The following SFMBT1 variants were observed in gnomAD, a reference collection of about 807,000 sequenced individuals.
SFMBT1 encodes scm-like with four MBT domains protein 1.
Under a neutral mutation model 108.7 loss-of-function variants are expected in SFMBT1, and 32 were observed. That is an observed-to-expected ratio of 0.29 (90% CI 0.22 to 0.40). SFMBT1 has a LOEUF of 0.40. Ranked by LOEUF, SFMBT1 falls within the 10% of genes least tolerant of loss-of-function variation. The probability of loss-of-function intolerance (pLI) is 1.00; values close to 1 mark genes in which losing one functional copy is unlikely to be tolerated. For synonymous variants in SFMBT1, 348 were observed against 369.5 expected (o/e 0.94, Z 0.67); for missense variants, 816 against 1,059.6 (o/e 0.77, Z 3.19).
chr3:52,961,113 G>C (rs540577072), intron 2 of SFMBT1, among the ~76,000 whole-genome samples: 1 of 150,118 alleles, frequency 6.7e-6, no homozygotes, highest in East Asian at 2.0e-4. Context: ...AGCCTGGGCT[G>C]TTAGAGACCC....
At chr3:53,027,945 G>A (rs139320217) in intron 1 of SFMBT1, among the ~76,000 whole-genome samples, 15 of 152,304 alleles carry the variant, frequency 9.8e-5, no homozygotes, top group East Asian at 7.7e-4. Context: ...CAAGCTTAGC[G>A]TTCCAGTAAT....
At chr3:52,940,874 G>A (rs1429081946) in intron 4 of SFMBT1, among the ~76,000 whole-genome samples, 2 of 152,140 alleles carry the variant, frequency 1.3e-5, no homozygotes, top group Non-Finnish European at 2.9e-5. Flanking sequence ...TCAATAGCAT[G>A]TATCTTCTGA....
At chr3:52,961,798 A>G (rs190031083) in intron 2 of SFMBT1, among the ~76,000 whole-genome samples, 1 of 152,338 alleles carries the variant, frequency 6.6e-6, no homozygotes, top group East Asian at 1.9e-4. Flanking sequence ...GTCAATTTAC[A>G]TTACTAAAAC....
chr3:52,974,876 AC>A lies in SFMBT1; in HGVS notation c.-130-5619del, dbSNP rs1704466043. 2.0e-5 allele frequency among the ~76,000 whole-genome samples: 3 copies of A among 149,736 alleles called. No homozygotes were observed. The South Asian group carries it at 6.3e-4, about 32-fold the overall frequency. On this transcript the variant is annotated intron_variant, in intron 1 of 20. Transcript: ENST00000394752. ...AAAAAAATTAGCTGAGTGTGGTGGC[AC>A]ATGCTTGTAATCCCACCTACTCAGG...
At chr3:52,923,791 G>GA (rs1559512029) in intron 10 of SFMBT1, among the ~76,000 whole-genome samples, 1 of 151,974 alleles carries the variant, frequency 6.6e-6, no homozygotes, top group African/African-American at 2.4e-5. Flanking sequence ...TCCAGAAAGA[G>GA]AAAAGAGACA....
Position 53,001,925 on chromosome 3 carries a change from T to TCACACACACA in SFMBT1, c.-130-32677_-130-32668dup, listed in dbSNP as rs59572829. ...GGGCAACAGAGCAAGACCCAGTCTC[T>TCACACACACA]CACACACACACACACACACACACAC... On this transcript the variant is annotated intron_variant, in intron 1 of 20. Coordinates refer to ENST00000394752, the MANE Select transcript of SFMBT1 (RefSeq NM_016329.4). Among the ~76,000 whole-genome samples the TCACACACACA allele has an allele frequency of 5.2e-3, 668 of 129,190 alleles. 15 individuals carry two copies. The highest frequency in any genetic ancestry group is 4.1e-3 in the African/African-American group (147 of 35,826). The allele number at this position is 129,190 out of a possible 152,430, so 84.8% of individuals were successfully genotyped here. A position where few individuals can be genotyped will look rare whatever the true frequency, so the allele number is the denominator to read the frequency against.
intron 1 of SFMBT1, among the ~76,000 whole-genome samples, chr3:53,034,026 C>T (rs11709427): frequency 0.4 from 57,656 of 143,690 alleles, 11,781 homozygotes; most frequent in East Asian, 0.61. Flanking sequence ...GCCGAGATGG[C>T]GCCATTGCAC....
intron 3 of SFMBT1, among the ~76,000 whole-genome samples, chr3:52,945,956 G>A (rs1041989864): frequency 9.9e-5 from 15 of 152,154 alleles, no homozygotes; most frequent in Non-Finnish European, 2.1e-4. Flanking sequence ...GGGGAAAACA[G>A]CAACATTACA....
chr3:53,006,355 G>C (rs1344604538), intron 1 of SFMBT1, among the ~76,000 whole-genome samples: 4 of 152,144 alleles, frequency 2.6e-5, no homozygotes, highest in Non-Finnish European at 5.9e-5. Context: ...TCCAGGCCTG[G>C]CGCGGTGGCT....
chr3:52,922,175 T>C (rs899773726), intron 10 of SFMBT1, among the ~76,000 whole-genome samples: 1 of 152,198 alleles, frequency 6.6e-6, no homozygotes, highest in Admixed American at 6.5e-5. Flanking sequence ...ATCAATGAAA[T>C]AGTCTCTAAG....
chr3:52,933,788 G>A (rs1173062887), intron 5 of SFMBT1, among the ~76,000 whole-genome samples: 2 of 152,064 alleles, frequency 1.3e-5, no homozygotes, highest in Non-Finnish European at 2.9e-5. Flanking sequence ...AAAACTCTTA[G>A]AAAATACAGG....
At chr3:52,908,164 C>T (rs781632845) in intron 17 of SFMBT1, among the ~76,000 whole-genome samples, 9 of 150,918 alleles carry the variant, frequency 6.0e-5, no homozygotes, top group Non-Finnish European at 1.2e-4. Context: ...ACCTCTGCCT[C>T]CCAGGTTCAA....
intron 3 of SFMBT1, among the ~76,000 whole-genome samples, chr3:52,950,806 T>C (rs1402121117): frequency 6.6e-6 from 1 of 151,674 alleles, no homozygotes; most frequent in Non-Finnish European, 1.5e-5. Context: ...TGTTATATGT[T>C]CCCTCAATAA....
At chr3:53,019,465 G>T (rs1559551897) in intron 1 of SFMBT1, among the ~76,000 whole-genome samples, 1 of 151,918 alleles carries the variant, frequency 6.6e-6, no homozygotes, top group African/African-American at 2.4e-5. Flanking sequence ...TACTCATTTG[G>T]AATTTCCATT....
intron 1 of SFMBT1, among the ~76,000 whole-genome samples, chr3:52,999,071 C>T (rs1395769377): frequency 6.6e-6 from 1 of 150,858 alleles, no homozygotes; most frequent in Admixed American, 6.6e-5. Context: ...CGCCCGAGGA[C>T]ATGCTCTTCA....
At chr3:52,949,404 G>A (rs1703490864) in intron 3 of SFMBT1, among the ~76,000 whole-genome samples, 1 of 151,996 alleles carries the variant, frequency 6.6e-6, no homozygotes, top group Non-Finnish European at 1.5e-5. Flanking sequence ...CGATAGGAGG[G>A]CGTTGAATTT....
At chr3:52,942,018 T>A (rs1267627103) in intron 4 of SFMBT1, among the ~76,000 whole-genome samples, 1 of 152,160 alleles carries the variant, frequency 6.6e-6, no homozygotes, top group African/African-American at 2.4e-5. Context: ...TTAGGGAGGC[T>A]GAGGCAGGAT....
At chr3:52,979,537 T>C (rs1447270596) in intron 1 of SFMBT1, among the ~76,000 whole-genome samples, 1 of 152,126 alleles carries the variant, frequency 6.6e-6, no homozygotes, top group Admixed American at 6.5e-5. Flanking sequence ...AAGTGGTACG[T>C]CCCTTCCACC....
intron 2 of SFMBT1, among the ~76,000 whole-genome samples, chr3:52,959,046 T>C (rs998239557): frequency 3.3e-5 from 5 of 151,748 alleles, no homozygotes; most frequent in African/African-American, 9.7e-5. Context: ...AAACCCTACA[T>C]GTTCTCACTT....
Sources: allele counts gnomAD v4.1 joint callset (sites outside exome capture counted in the v4.1 genomes callset), GRCh38; gene constraint gnomAD v4.1.1; transcripts MANE v1.5; gene names NCBI Gene and HGNC (gene_info 2026-07-23, HGNC 2026-07-21).